The following MED27 variants were observed in gnomAD, a reference collection of about 807,000 sequenced individuals.
The protein encoded by MED27 is mediator complex subunit 27.
A neutral mutation model predicts 38.2 loss-of-function variants in MED27; 30 were observed. The ratio of observed to expected loss-of-function variants is 0.79; its 90% CI spans 0.59 to 1.07. The LOEUF (loss-of-function observed/expected upper bound fraction) is 1.07, where lower values mean the gene tolerates loss of function less well. Ranked by LOEUF, MED27 falls within the 50% of genes least tolerant of loss-of-function variation. MED27 has a pLI of 0.00. For synonymous variants in MED27, 122 were observed against 153.5 expected (o/e 0.79, Z 1.52); for missense variants, 289 against 397.5 (o/e 0.73, Z 2.32).
chr9:132,073,019 G>A (rs535394789), intron 2 of MED27, among the ~76,000 whole-genome samples: 2 of 152,200 alleles, frequency 1.3e-5, no homozygotes, highest in African/African-American at 4.8e-5. Context: ...GACATCAGGT[G>A]CAGCAGCTCA....
intron 4 of MED27, among the ~76,000 whole-genome samples, chr9:131,907,408 CG>C (rs1379259783): frequency 1.3e-5 from 2 of 152,150 alleles, no homozygotes; most frequent in African/African-American, 4.8e-5. Flanking sequence ...TTGGTGGAGA[CG>C]GGGTTTCGCC....
rs1263236097 is a variant in MED27 at position 132,051,822 on chromosome 9, A to C, written c.348+25620T>G. On this transcript the variant is annotated intron_variant, in intron 2 of 7. Coordinates refer to ENST00000292035, the MANE Select transcript of MED27 (RefSeq NM_004269.4). This position sits in a 1 kb window ranked among gnomAD's most constrained non-coding sequence, Gnocchi z 4.2. Reference sequence around the variant, plus strand: ...TTGGCGAGCACTGCTCTGATCCCAGAAAATATGTCACATATCACATTAAAA... The same window carrying C: ...TTGGCGAGCACTGCTCTGATCCCAGCAAATATGTCACATATCACATTAAAA... 8.5e-5 allele frequency among the ~76,000 whole-genome samples: 13 copies of C among 152,356 alleles called. No homozygotes were observed. Among genetic ancestry groups the C allele is most frequent in the Admixed American group, 6.5e-4 (10 of 15,308 alleles).
chr9:131,970,613 G>GA (rs1166044211), intron 3 of MED27, among the ~76,000 whole-genome samples: 1 of 152,200 alleles, frequency 6.6e-6, no homozygotes, highest in Non-Finnish European at 1.5e-5. Context: ...CTGCTGCTTT[G>GA]AAAAAACAGC....
chr9:131,907,933 G>A (rs9411418), intron 4 of MED27, among the ~76,000 whole-genome samples: 44,110 of 147,932 alleles, frequency 0.3, 7,453 homozygotes, highest in Middle Eastern at 0.4. Flanking sequence ...GGTGAGGAGC[G>A]TCTCTGCCCG....
At chr9:131,893,673 GC>G (rs1839265184) in intron 5 of MED27, among the ~76,000 whole-genome samples, 1 of 152,180 alleles carries the variant, frequency 6.6e-6, no homozygotes, top group Non-Finnish European at 1.5e-5. Flanking sequence ...AGGGCATCAG[GC>G]TTAGAGGAAA....
chr9:132,070,143 A>G (rs966363752), intron 2 of MED27, among the ~76,000 whole-genome samples: 3 of 152,236 alleles, frequency 2.0e-5, no homozygotes, highest in Non-Finnish European at 2.9e-5. Flanking sequence ...AAAGGGGGAT[A>G]AGGATTCAAA....
chr9:132,070,081 A>C (rs1833902941), intron 2 of MED27, among the ~76,000 whole-genome samples: 1 of 152,184 alleles, frequency 6.6e-6, no homozygotes, highest in African/African-American at 2.4e-5. Flanking sequence ...ACAGAGGAGG[A>C]GGCTGAGGCA....
rs149874600 is a variant in MED27, at chr9:131,863,788, T to G, written c.724-648A>C. Among the ~76,000 whole-genome samples, 409 of 152,266 alleles carry G rather than the reference T, an allele frequency of 2.7e-3. 1 individual carries two copies. The highest frequency in any genetic ancestry group is 9.2e-3 in the African/African-American group (381 of 41,560). On this transcript the variant is annotated intron_variant, in intron 6 of 7. Coordinates refer to ENST00000292035, the MANE Select transcript of MED27 (RefSeq NM_004269.4). ...TGGTGTGGTCCCCTCACCAGCTCTC[T>G]GAAGGCTGTGGCCTATGGTCAGCAC...
At chr9:132,048,713 C>T (rs183502469) in intron 2 of MED27, among the ~76,000 whole-genome samples, 204 of 152,346 alleles carry the variant, frequency 1.3e-3, no homozygotes, top group Non-Finnish European at 2.3e-3. Context: ...GCCAACCCCA[C>T]TCTGTGGCCA....
intron 3 of MED27, among the ~76,000 whole-genome samples, chr9:131,950,475 G>C (rs1830972780): frequency 6.6e-6 from 1 of 152,174 alleles, no homozygotes; most frequent in Admixed American, 6.5e-5. Flanking sequence ...ACTGCTTCCA[G>C]TTACTCAGTT....
intron 3 of MED27, among the ~76,000 whole-genome samples, chr9:131,979,206 T>C (rs990965611): frequency 2.0e-5 from 3 of 152,228 alleles, no homozygotes; most frequent in Admixed American, 2.0e-4. Flanking sequence ...CCGAGGCACA[T>C]AGCTGGAGGC....
chr9:131,887,864 C>CA (rs1839166585), intron 5 of MED27, among the ~76,000 whole-genome samples: 1 of 152,178 alleles, frequency 6.6e-6, no homozygotes, highest in Non-Finnish European at 1.5e-5. Context: ...GTCTCAGGAG[C>CA]AGCCTCCTGG....
At chr9:132,002,595 C>A (rs1832261776) in intron 3 of MED27, among the ~76,000 whole-genome samples, 1 of 151,984 alleles carries the variant, frequency 6.6e-6, no homozygotes, top group Non-Finnish European at 1.5e-5. Flanking sequence ...GGCACAGAGA[C>A]AGAAAGAAAA....
intron 3 of MED27, among the ~76,000 whole-genome samples, chr9:132,006,179 T>C (rs1832354963): frequency 6.6e-6 from 1 of 152,204 alleles, no homozygotes; most frequent in South Asian, 2.1e-4. Flanking sequence ...TCTGTTTCCT[T>C]TGTGGGACAT....
At chr9:131,892,699 C>T (rs1256893094) in intron 5 of MED27, among the ~76,000 whole-genome samples, 1 of 152,200 alleles carries the variant, frequency 6.6e-6, no homozygotes, top group African/African-American at 2.4e-5. Flanking sequence ...ATACACTACC[C>T]TCAGTGCTGC....
At chr9:131,946,320 G>A (rs1368167544) in intron 3 of MED27, among the ~76,000 whole-genome samples, 1 of 152,066 alleles carries the variant, frequency 6.6e-6, no homozygotes, top group Non-Finnish European at 1.5e-5. Context: ...TTGAGGAACC[G>A]CCATACTATT....
Position 131,913,846 on chromosome 9 carries a change from G to A in MED27, c.574-19854C>T, listed in dbSNP as rs1036586687. Among the ~76,000 whole-genome samples, 16 of 152,174 alleles carry A rather than the reference G, an allele frequency of 1.1e-4. No homozygotes were observed. Among genetic ancestry groups the A allele is most frequent in the African/African-American group, 1.7e-4 (7 of 41,432 alleles). On this transcript the variant is annotated intron_variant, in intron 4 of 7. Transcript: ENST00000292035. This position sits in a 1 kb window ranked among gnomAD's most constrained non-coding sequence, Gnocchi z 4.5. Reference sequence around the variant, plus strand: ...TCCAATGATTCCCTGAGCCACTGGCGTGGTACCAAACGCAGGACAGCACTC... The same window carrying A: ...TCCAATGATTCCCTGAGCCACTGGCATGGTACCAAACGCAGGACAGCACTC...
At chr9:131,945,463 T>C (rs766455303) in intron 3 of MED27, among the ~76,000 whole-genome samples, 26 of 152,140 alleles carry the variant, frequency 1.7e-4, no homozygotes, top group Non-Finnish European at 3.4e-4. Flanking sequence ...AAATCTACTG[T>C]CTTAGCAATT....
chr9:132,020,098 C>T (rs1011529275), intron 2 of MED27, among the ~76,000 whole-genome samples: 3 of 152,218 alleles, frequency 2.0e-5, no homozygotes, highest in Non-Finnish European at 4.4e-5. Flanking sequence ...TCCAGATGCA[C>T]AGTGGCATGT....
Sources: allele counts gnomAD v4.1 joint callset (sites outside exome capture counted in the v4.1 genomes callset), GRCh38; gene constraint gnomAD v4.1.1; non-coding constraint Gnocchi (gnomAD v3.1); transcripts MANE v1.5; gene names NCBI Gene and HGNC (gene_info 2026-07-23, HGNC 2026-07-21).